The following GIPC2 variants were observed in gnomAD, a reference collection of about 807,000 sequenced individuals.
GIPC2 encodes GIPC PDZ domain containing family member 2, also known as PDZ domain-containing protein GIPC2.
In GIPC2, 30 loss-of-function variants were observed where a neutral mutation model predicts 30.6. The ratio of observed to expected loss-of-function variants is 0.98; its 90% CI spans 0.73 to 1.33. GIPC2 has a LOEUF of 1.33. Among genes scored for constraint, GIPC2 ranks in the 40% most tolerant of loss-of-function variants. The pLI is 0.00. For missense variants in GIPC2, 414 were observed against 390.3 expected, an observed-to-expected ratio of 1.06 and a Z score of -0.51; for synonymous variants, 167 against 150.0, an observed-to-expected ratio of 1.11 and a Z score of -0.83.
In GIPC2 at chr1:78,080,801, T is replaced by G; in HGVS notation, c.367T>G (p.Ser123Ala). Residue 123 changes from serine (S) to alanine (A), a missense_variant, in exon 2 of 6, where the codon TCT becomes GCT. Physicochemically the swap from Ser to Ala is moderately conservative, Grantham distance 99. Transcript: ENST00000370759. ...GIEKEVNVYK[S>A]EDSLGLTITD... ...CGAAAAAGAAGTGAATGTGTATAAA[T>G]CTGAGGATTCACTTGGTCTCACCAT... The G allele has an allele frequency of 1.9e-6, 3 of 1,611,298 alleles. No homozygotes were observed. Among genetic ancestry groups the G allele is most frequent in the Non-Finnish European group, 2.5e-6 (3 of 1,177,704 alleles).
intron 5 of GIPC2, among the ~76,000 whole-genome samples, chr1:78,133,488 A>G (rs1662939261): frequency 6.6e-6 from 1 of 152,186 alleles, no homozygotes; most frequent in Admixed American, 6.5e-5. Context: ...GAATGGGGAT[A>G]TCTCTTCCAG....
At chr1:78,055,119 T>C (rs1053801171) in intron 1 of GIPC2, among the ~76,000 whole-genome samples, 1 of 152,224 alleles carries the variant, frequency 6.6e-6, no homozygotes, top group African/African-American at 2.4e-5. Context: ...GTGCCGGCCA[T>C]GTGGTATCTT....
chr1:78,046,686 C>A (rs1253993232), intron 1 of GIPC2, among the ~76,000 whole-genome samples: 1 of 152,146 alleles, frequency 6.6e-6, no homozygotes, highest in Non-Finnish European at 1.5e-5. Flanking sequence ...CGAGATCTGG[C>A]GGGGCAGATT....
At chr1:78,124,260 C>A (rs548514076) in intron 4 of GIPC2, among the ~76,000 whole-genome samples, 1 of 151,898 alleles carries the variant, frequency 6.6e-6, no homozygotes, top group African/African-American at 2.4e-5. Flanking sequence ...GTAATCATTT[C>A]GGGAAGAACA....
intron 3 of GIPC2, among the ~76,000 whole-genome samples, chr1:78,118,576 A>C (rs1320989605): frequency 4.6e-5 from 7 of 152,234 alleles, no homozygotes; most frequent in African/African-American, 1.7e-4. Context: ...TAAGGAAAGT[A>C]GTGGCTCCCT....
Position 78,135,497 on chromosome 1 carries a change from T to A in GIPC2, c.797-95T>A, listed in dbSNP as rs1187297966. 1.6e-5 allele frequency: 11 copies of A among 684,868 alleles called. No homozygotes were observed. The East Asian group carries it at 3.0e-4, about 19-fold the overall frequency. 42.4% of individuals were successfully genotyped at this position (684,868 alleles called of 1,614,324 possible). On this transcript the variant is annotated intron_variant, in intron 5 of 5. Transcript: ENST00000370759. ...ATTTAATTTGAAATATATTTATGCA[T>A]GTTACTTTTAGCAAGTAATTTTCCT...
intron 3 of GIPC2, among the ~76,000 whole-genome samples, chr1:78,099,290 C>A (rs993119139): frequency 4.0e-5 from 6 of 151,756 alleles, no homozygotes; most frequent in African/African-American, 7.3e-5. Context: ...TCTAGGAACT[C>A]ATGTCTAGTG....
chr1:78,051,260 CA>C (rs1246916746), intron 1 of GIPC2, among the ~76,000 whole-genome samples: 4 of 150,586 alleles, frequency 2.7e-5, no homozygotes, highest in African/African-American at 4.9e-5. Context: ...ATATTATTAA[CA>C]AAAAAAAGAT....
chr1:78,059,620 C>T (rs371915460), intron 1 of GIPC2, among the ~76,000 whole-genome samples: 1 of 151,976 alleles, frequency 6.6e-6, no homozygotes, highest in Non-Finnish European at 1.5e-5. Flanking sequence ...ATGTGTGCCT[C>T]TAGTTCCAGC....
Position 78,125,849 on chromosome 1 carries a change from A to G in GIPC2, c.715-32A>G, listed in dbSNP as rs1247990980. On this transcript the variant is annotated intron_variant, in intron 4 of 5. Transcript: ENST00000370759. ...CCTGACAATCAAGAGATTTTGTTGT[A>G]TAATATCTTATTTCTCTCTTTTTTG... 4.2e-6 allele frequency: 5 copies of G among 1,185,096 alleles called. No homozygotes were observed. The African/African-American group carries it at 6.0e-5, about 14-fold the overall frequency. 73.4% of individuals were successfully genotyped at this position (1,185,096 alleles called of 1,614,324 possible). A position where few individuals can be genotyped will look rare whatever the true frequency, so the allele number is the denominator to read the frequency against.
chr1:78,046,148 G>A lies in GIPC2; in HGVS notation c.54G>A (p.Gly18=). Residue 18 remains glycine, a synonymous_variant, in exon 1 of 6, where the codon GGG becomes GGA. Coordinates refer to ENST00000370759, the MANE Select transcript of GIPC2 (RefSeq NM_017655.6). The part of the protein sequence containing the change: ...KKKAKSKETA[G]LVEGEPTGAG... ...AGGCCAAGTCCAAGGAGACCGCCGG[G>A]CTGGTGGAGGGCGAGCCGACGGGCG... is the stretch of plus-strand genomic sequence containing the variant. 1 of 1,541,772 alleles carries A rather than the reference G, an allele frequency of 6.5e-7. No homozygotes were observed. The highest frequency in any genetic ancestry group is 8.7e-7 in the Non-Finnish European group (1 of 1,146,790).
intron 5 of GIPC2, among the ~76,000 whole-genome samples, chr1:78,132,766 T>G (rs1662924476): frequency 1.3e-5 from 2 of 151,348 alleles, no homozygotes; most frequent in African/African-American, 4.8e-5. Context: ...CCCCCAGCAT[T>G]TAAGAGTGTC....
At chr1:78,083,888 C>A (rs1260707386) in intron 2 of GIPC2, among the ~76,000 whole-genome samples, 1 of 152,290 alleles carries the variant, frequency 6.6e-6, no homozygotes, top group Middle Eastern at 3.4e-3. Flanking sequence ...ATATTCTAGA[C>A]CCATCTTGTA....
rs1663007485 is a variant in GIPC2 at position 78,136,537 on chromosome 1, C to T, written c.*794C>T. 1 of 149,248 alleles carries T rather than the reference C, an allele frequency of 6.7e-6. No individual in the cohort carries two copies. Among genetic ancestry groups the T allele is most frequent in the Non-Finnish European group, 1.5e-5 (1 of 67,486 alleles). The allele number at this position is 149,248 out of a possible 1,614,324, so 9.2% of individuals were successfully genotyped here. On this transcript the variant is annotated 3_prime_UTR_variant, in exon 6 of 6. Transcript: ENST00000370759. ...TTTTATGTTACCTTTTATAAGCACT[C>T]CAGGGAAGATTTTATATTTTTTTGT...
intron 2 of GIPC2, among the ~76,000 whole-genome samples, chr1:78,093,031 A>C (rs1662069183): frequency 6.6e-6 from 1 of 152,216 alleles, no homozygotes; most frequent in Admixed American, 6.5e-5. Context: ...ATAAAATTGT[A>C]ACTCTAAATC....
In GIPC2 at chr1:78,050,914, G is replaced by A. The variant is rs929704820; in HGVS notation, c.240+4580G>A. Among the ~76,000 whole-genome samples, 6 of 152,128 alleles carry A rather than the reference G, an allele frequency of 3.9e-5. No individual in the cohort carries two copies. In the East Asian group the frequency reaches 5.8e-4, roughly 15 times the overall value. Reference sequence around the variant, plus strand: ...CTCCCAAAGTGCTGAGATTACAGGCGTGAGCCACCGTGTCCGGCCAATACA... The same window carrying A: ...CTCCCAAAGTGCTGAGATTACAGGCATGAGCCACCGTGTCCGGCCAATACA... On this transcript the variant is annotated intron_variant, in intron 1 of 5. Transcript: ENST00000370759.
At chr1:78,078,848 A>AC (rs1209888419) in intron 1 of GIPC2, among the ~76,000 whole-genome samples, 1 of 151,482 alleles carries the variant, frequency 6.6e-6, no homozygotes, top group African/African-American at 2.4e-5. Context: ...GAAAAAAAAA[A>AC]AAAAAAAACA....
chr1:78,107,824 CAAAAAAAAAAAAAAA>C (rs35134592), intron 3 of GIPC2, among the ~76,000 whole-genome samples: 1 of 28,744 alleles, frequency 3.5e-5, no homozygotes, highest in African/African-American at 1.3e-4. Flanking sequence ...AACTCTGTCT[CAAAAAAAAAAAAAAA>C]AAAAAAAAAA....
At chr1:78,125,011 A>C (rs1459856685) in intron 4 of GIPC2, among the ~76,000 whole-genome samples, 1 of 151,986 alleles carries the variant, frequency 6.6e-6, no homozygotes, top group East Asian at 1.9e-4. Flanking sequence ...AAGACAAAAA[A>C]ACCCCGCCAC....
Sources: gnomAD v4.1 joint callset for allele counts (sites outside exome capture counted in the v4.1 genomes callset) on GRCh38, gnomAD v4.1.1 for gene constraint, MANE v1.5 for transcripts, NCBI Gene and HGNC (gene_info 2026-07-23, HGNC 2026-07-21) for gene names.